Variants in PAPOLA observed in about 807,000 individuals in gnomAD.
The protein encoded by PAPOLA is poly(A) polymerase alpha.
PAPOLA carries 15 observed loss-of-function variants against 100.6 expected under a neutral mutation model. The ratio of observed to expected loss-of-function variants is 0.15; its 90% CI spans 0.10 to 0.23. PAPOLA has a LOEUF of 0.23. Ranked by LOEUF, PAPOLA falls within the 10% of genes least tolerant of loss-of-function variation. The pLI is 1.00. For missense variants in PAPOLA, 533 were observed against 884.2 expected (o/e 0.60, Z 5.04); for synonymous variants, 293 against 300.0 (o/e 0.98, Z 0.24).
intron 16 of PAPOLA, among the ~76,000 whole-genome samples, chr14:96,549,130 A>T (rs1361535067): frequency 6.6e-6 from 1 of 152,226 alleles, no homozygotes; most frequent in Non-Finnish European, 1.5e-5. Flanking sequence ...CTGGCACATA[A>T]TAAATGCTCA....
chr14:96,527,553 C>T lies in PAPOLA; in HGVS notation c.441+14C>T, dbSNP rs752252521. Reference sequence around the variant, plus strand: ...AAAGATTTAAGAGTGCGTAAATGTTCGGGGTGAAATGGGATGAGTTATGAA... The same window carrying T: ...AAAGATTTAAGAGTGCGTAAATGTTTGGGGTGAAATGGGATGAGTTATGAA... On this transcript the variant is annotated intron_variant, in intron 5 of 21. Transcript: ENST00000216277. 25 of 1,334,220 alleles carry T rather than the reference C, an allele frequency of 1.9e-5. No individual in the cohort carries two copies. The highest frequency in any genetic ancestry group is 4.3e-5 in the African/African-American group (3 of 69,528). 82.6% of individuals were successfully genotyped at this position (1,334,220 alleles called of 1,614,324 possible). A position where few individuals can be genotyped will look rare whatever the true frequency, so the allele number is the denominator to read the frequency against.
intron 16 of PAPOLA, among the ~76,000 whole-genome samples, 191 bp from the exon 17 acceptor site, chr14:96,552,289 A>G (rs1900904778): frequency 6.6e-6 from 1 of 152,188 alleles, no homozygotes; most frequent in African/African-American, 2.4e-5. Flanking sequence ...TTTAATGTTG[A>G]TGCCTTCTTA....
At chr14:96,559,581 C>CTCTCTATATATATA (rs370979875) in intron 19 of PAPOLA, among the ~76,000 whole-genome samples, 30 of 120,180 alleles carry the variant, frequency 2.5e-4, no homozygotes, top group Admixed American at 1.5e-3. Context: ...CTCTCTCTCT[C>CTCTCTATATATATA]TATATATATA....
At chr14:96,516,901 G>A (rs181626833) in intron 1 of PAPOLA, among the ~76,000 whole-genome samples, 1 of 152,174 alleles carries the variant, frequency 6.6e-6, no homozygotes, top group Non-Finnish European at 1.5e-5. Flanking sequence ...AGCTTTCCAA[G>A]CATTGTTTAT....
chr14:96,534,241 A>G (rs1899323637), intron 9 of PAPOLA: 1 of 1,313,656 alleles, frequency 7.6e-7, no homozygotes, highest in Non-Finnish European at 9.7e-7. Flanking sequence ...TAGTCCTTTA[A>G]AGTTCTTTGA....
At chr14:96,518,518 C>T (rs999514083) in intron 1 of PAPOLA, among the ~76,000 whole-genome samples, 2 of 151,844 alleles carry the variant, frequency 1.3e-5, no homozygotes, top group East Asian at 3.9e-4. Context: ...ACGCCATTCT[C>T]CTGCCTCAGC....
chr14:96,555,974 G>C (rs769071269), intron 18 of PAPOLA, 27 bp downstream of exon 18: 1 of 1,440,828 alleles, frequency 6.9e-7, no homozygotes, highest in South Asian at 1.2e-5. Flanking sequence ...TGTCAGGTTT[G>C]AGAATTCTTA....
chr14:96,555,153 T>C (rs749508272), intron 17 of PAPOLA, among the ~76,000 whole-genome samples: 16 of 151,856 alleles, frequency 1.1e-4, no homozygotes, highest in Non-Finnish European at 1.9e-4. Context: ...AAAACTCTTA[T>C]ACTTTGTATA....
At chr14:96,520,596 C>T (rs762102274) in intron 2 of PAPOLA, among the ~76,000 whole-genome samples, 3 of 151,872 alleles carry the variant, frequency 2.0e-5, no homozygotes, top group African/African-American at 4.9e-5. Context: ...AGGCTGGTCT[C>T]GAACTCCTGA....
chr14:96,523,663 C>A (rs546937486), intron 3 of PAPOLA, among the ~76,000 whole-genome samples: 2 of 152,224 alleles, frequency 1.3e-5, no homozygotes, highest in Admixed American at 6.5e-5. Flanking sequence ...TACAACATTA[C>A]AGCCAGGCGC....
intron 12 of PAPOLA, 74 bp from the exon 13 acceptor site, chr14:96,542,165 AGCTT>A: frequency 1.2e-6 from 1 of 845,634 alleles, no homozygotes; most frequent in East Asian, 2.5e-5. Context: ...ACTGTAAGGA[AGCTT>A]ATTACTTTAT....
At chr14:96,562,723 C>G (rs1436075087) in intron 20 of PAPOLA, 96 bp from the exon 21 acceptor site, 3 of 700,722 alleles carry the variant, frequency 4.3e-6, no homozygotes, top group Non-Finnish European at 7.6e-6. Flanking sequence ...CTCCTGTCTT[C>G]CAGTTTGTCT....
At chr14:96,538,347 C>T (rs1278351028) in intron 12 of PAPOLA, among the ~76,000 whole-genome samples, 1 of 151,968 alleles carries the variant, frequency 6.6e-6, no homozygotes, top group Non-Finnish European at 1.5e-5. Flanking sequence ...TTAATGTTTA[C>T]ACTGAACAAA....
At chr14:96,524,344 T>C (rs568771716) in intron 3 of PAPOLA, among the ~76,000 whole-genome samples, 1 of 152,346 alleles carries the variant, frequency 6.6e-6, no homozygotes, top group Admixed American at 6.5e-5. Context: ...CTCTTCCTGA[T>C]GATGCTACTC....
intron 10 of PAPOLA, chr14:96,535,585 A>C (rs1474901702): frequency 4.8e-6 from 5 of 1,046,576 alleles, no homozygotes; most frequent in Non-Finnish European, 5.7e-6. Flanking sequence ...AATAAAGAAA[A>C]ACTAAACATC....
intron 14 of PAPOLA, among the ~76,000 whole-genome samples, chr14:96,543,735 A>G (rs1900176311): frequency 6.6e-6 from 1 of 151,974 alleles, no homozygotes; most frequent in Admixed American, 6.6e-5. Context: ...TTTTAAATTG[A>G]ATTTTTGAAG....
chr14:96,517,991 A>C (rs183945380), intron 1 of PAPOLA, among the ~76,000 whole-genome samples: 2 of 152,162 alleles, frequency 1.3e-5, no homozygotes, highest in Admixed American at 6.5e-5. Flanking sequence ...AGTGTGAGAC[A>C]CCATGCTTGG....
Position 96,556,420 on chromosome 14 carries a change from A to G in PAPOLA, c.2004+7A>G. The G allele has an allele frequency of 1.9e-6, 3 of 1,560,368 alleles. No homozygotes were observed. Among genetic ancestry groups the G allele is most frequent in the South Asian group, 1.1e-5 (1 of 89,304 alleles). ...GAAAACCAAAACAGAAGAGGTATATATATGAAAAACATATTAGTTAGCCAT... is the reference window on the plus strand; with the variant it reads ...GAAAACCAAAACAGAAGAGGTATATGTATGAAAAACATATTAGTTAGCCAT... On this transcript the variant is annotated splice_region_variant and intron_variant, in intron 19 of 21. Coordinates refer to ENST00000216277, the MANE Select transcript of PAPOLA (RefSeq NM_032632.5).
intron 9 of PAPOLA, chr14:96,532,982 C>G: frequency 3.3e-5 from 33 of 1,006,100 alleles, no homozygotes; most frequent in Non-Finnish European, 3.9e-5. Flanking sequence ...TACACACTAC[C>G]TCTTTCACTC....
Sources: allele counts gnomAD v4.1 joint callset (sites outside exome capture counted in the v4.1 genomes callset), GRCh38; gene constraint gnomAD v4.1.1; transcripts MANE v1.5; gene names NCBI Gene and HGNC (gene_info 2026-07-23, HGNC 2026-07-21).